FGGY: variants seen among roughly 807,000 people sequenced by gnomAD.
FGGY encodes FGGY carbohydrate kinase domain-containing protein.
Under a neutral mutation model 71.3 loss-of-function variants are expected in FGGY, and 72 were observed. That is an observed-to-expected ratio of 1.01 (90% CI 0.84 to 1.23). FGGY has a LOEUF of 1.23. FGGY is among the 50% of genes most tolerant of loss of function. FGGY has a pLI of 0.00. For synonymous variants in FGGY, 251 were observed against 250.3 expected (o/e 1.00, Z -0.02); for missense variants, 668 against 682.3 (o/e 0.98, Z 0.23).
chr1:59,399,188 G>A (rs1370814220), intron 5 of FGGY, among the ~76,000 whole-genome samples: 1 of 152,130 alleles, frequency 6.6e-6, no homozygotes, highest in Non-Finnish European at 1.5e-5. Context: ...GTAATGCTGG[G>A]ATAGTCCTCA....
At chr1:59,409,621 T>C (rs1415470588) in intron 5 of FGGY, among the ~76,000 whole-genome samples, 5 of 144,088 alleles carry the variant, frequency 3.5e-5, no homozygotes, top group Non-Finnish European at 7.5e-5. Flanking sequence ...TATATATATA[T>C]ATAAACAGAC....
chr1:59,444,212 G>A (rs543037468), intron 5 of FGGY, among the ~76,000 whole-genome samples: 12 of 152,210 alleles, frequency 7.9e-5, no homozygotes, highest in Admixed American at 5.2e-4. Flanking sequence ...CCTTGACCCC[G>A]GGTCTTTGCT....
chr1:59,307,196 C>T (rs1042122081), intron 1 of FGGY, among the ~76,000 whole-genome samples: 3 of 151,644 alleles, frequency 2.0e-5, no homozygotes, highest in Admixed American at 6.6e-5. Flanking sequence ...TGCCTGTAGT[C>T]CCAGCTACTC....
intron 7 of FGGY, among the ~76,000 whole-genome samples, chr1:59,532,615 G>T (rs1170047416): frequency 6.6e-6 from 1 of 152,104 alleles, no homozygotes; most frequent in Non-Finnish European, 1.5e-5. Flanking sequence ...ACATATTCAT[G>T]ATTTTTTTAA....
At chr1:59,309,051 A>G (rs779574816) in intron 1 of FGGY, among the ~76,000 whole-genome samples, 7 of 152,154 alleles carry the variant, frequency 4.6e-5, no homozygotes, top group Non-Finnish European at 7.4e-5. Flanking sequence ...CAGTGCATAA[A>G]TTCTTAGAAG....
intron 6 of FGGY, among the ~76,000 whole-genome samples, chr1:59,499,074 A>C (rs539034367): frequency 6.6e-6 from 1 of 152,134 alleles, no homozygotes; most frequent in Non-Finnish European, 1.5e-5. Flanking sequence ...CTCTCACCAT[A>C]GGTTAATGTT....
intron 8 of FGGY, among the ~76,000 whole-genome samples, chr1:59,593,190 CA>C (rs1221723282): frequency 6.6e-6 from 1 of 152,164 alleles, no homozygotes; most frequent in African/African-American, 2.4e-5. Context: ...TTGAGTGAAT[CA>C]AAACAGAAAT....
intron 8 of FGGY, among the ~76,000 whole-genome samples, chr1:59,582,634 C>A (rs1316801186): frequency 6.7e-6 from 1 of 149,478 alleles, no homozygotes; most frequent in African/African-American, 2.5e-5. Flanking sequence ...TCGCTGGAAG[C>A]TTTCAGACTA....
chr1:59,502,026 A>G (rs939626126), intron 6 of FGGY, among the ~76,000 whole-genome samples: 1 of 152,206 alleles, frequency 6.6e-6, no homozygotes, highest in Non-Finnish European at 1.5e-5. Context: ...ACTTATTTGC[A>G]TTATCTTGCT....
intron 6 of FGGY, among the ~76,000 whole-genome samples, chr1:59,504,446 A>G (rs558115579): frequency 6.6e-6 from 1 of 152,248 alleles, no homozygotes; most frequent in African/African-American, 2.4e-5. Flanking sequence ...TGAGCCTTCA[A>G]TCTGTGAGAT....
intron 5 of FGGY, among the ~76,000 whole-genome samples, chr1:59,398,982 A>G (rs1287809441): frequency 6.6e-6 from 1 of 152,176 alleles, no homozygotes; most frequent in Non-Finnish European, 1.5e-5. Flanking sequence ...GCATGTGGTG[A>G]TGGTATTTAT....
At chr1:59,327,873 G>A (rs1185790185) in intron 2 of FGGY, among the ~76,000 whole-genome samples, 1 of 152,204 alleles carries the variant, frequency 6.6e-6, no homozygotes. Context: ...TCAATGAGGA[G>A]TAACACTTTG....
At chr1:59,692,566 G>A (rs2097600371) in intron 14 of FGGY, among the ~76,000 whole-genome samples, 1 of 151,732 alleles carries the variant, frequency 6.6e-6, no homozygotes, top group African/African-American at 2.4e-5. Flanking sequence ...AGTCCAACAG[G>A]GTTCCCAATT....
chr1:59,525,398 T>C (rs1228813243), intron 7 of FGGY, among the ~76,000 whole-genome samples: 1 of 152,218 alleles, frequency 6.6e-6, no homozygotes, highest in African/African-American at 2.4e-5. Context: ...CACAGAGGTT[T>C]CCGGCTGGCA....
intron 14 of FGGY, among the ~76,000 whole-genome samples, chr1:59,681,456 A>G (rs942468718): frequency 2.0e-5 from 3 of 152,198 alleles, no homozygotes; most frequent in Admixed American, 1.3e-4. Context: ...TCTTTCTATA[A>G]TAAGGTTTAC....
chr1:59,355,891 T>A (rs184447438), intron 4 of FGGY, among the ~76,000 whole-genome samples: 3,702 of 151,732 alleles, frequency 0.024, 166 homozygotes, highest in African/African-American at 0.086. Context: ...TGGTCCCCAA[T>A]CAGGTTTAGT....
At chr1:59,302,514 A>G (rs2042921505) in intron 1 of FGGY, among the ~76,000 whole-genome samples, 1 of 152,164 alleles carries the variant, frequency 6.6e-6, no homozygotes, top group African/African-American at 2.4e-5. Flanking sequence ...TTACAGCAGC[A>G]TGGATGGAGC....
At chr1:59,403,556 C>T (rs1329608187) in intron 5 of FGGY, among the ~76,000 whole-genome samples, 5 of 152,138 alleles carry the variant, frequency 3.3e-5, no homozygotes, top group Admixed American at 1.3e-4. Flanking sequence ...TGACTGAACT[C>T]GGACTTGAAG....
At chr1:59,470,368 C>A (rs7548286) in intron 6 of FGGY, among the ~76,000 whole-genome samples, 6,556 of 152,124 alleles carry the variant, frequency 0.043, 478 homozygotes, top group African/African-American at 0.15. Context: ...GTGATGTTGA[C>A]CTTTTTTTCA....
Sources: gnomAD v4.1 joint callset for allele counts (sites outside exome capture counted in the v4.1 genomes callset) on GRCh38, gnomAD v4.1.1 for gene constraint, MANE v1.5 for transcripts, NCBI Gene and HGNC (gene_info 2026-07-23, HGNC 2026-07-21) for gene names.